CAD: variants seen among roughly 807,000 people sequenced by gnomAD.
CAD encodes multifunctional protein CAD.
In CAD, 81 loss-of-function variants were observed where a neutral mutation model predicts 237.2. That is an observed-to-expected ratio of 0.34 (90% CI 0.29 to 0.41). CAD has a LOEUF of 0.41. CAD is among the 10% of genes least tolerant of loss of function. CAD has a pLI of 1.00. For missense variants in CAD, 2,181 were observed against 2,951.7 expected, an observed-to-expected ratio of 0.74 and a Z score of 6.05; for synonymous variants, 1,196 against 1,162.8, an observed-to-expected ratio of 1.03 and a Z score of -0.58.
In CAD at chr2:27,241,316, TC is replaced by T; in HGVS notation, c.5809-5del. 1 of 1,614,146 alleles carries T rather than the reference TC, an allele frequency of 6.2e-7. No individual in the cohort carries two copies. The highest frequency in any genetic ancestry group is 8.5e-7 in the Non-Finnish European group (1 of 1,180,016). On this transcript the variant is annotated splice_polypyrimidine_tract_variant and splice_region_variant and intron_variant, in intron 37 of 43. Coordinates refer to ENST00000264705, the MANE Select transcript of CAD (RefSeq NM_004341.5). The surrounding 1 kb of genome is among the most constrained non-coding windows in gnomAD (Gnocchi z 4.6). The stretch of plus-strand genomic sequence containing the variant: ...ACCTTTCTAGCTAACTTGGGCTCTT[TC>T]TTAGATGTCTCACCTGTTCAATGTG...
chr2:27,240,191 C>A lies in CAD; in HGVS notation c.5497-74C>A. The A allele has an allele frequency of 2.3e-6, 3 of 1,285,228 alleles. No individual in the cohort carries two copies. The highest frequency in any genetic ancestry group is 3.3e-6 in the Non-Finnish European group (3 of 899,172). The allele number at this position is 1,285,228 out of a possible 1,614,324, so 79.6% of individuals were successfully genotyped here. On this transcript the variant is annotated intron_variant, in intron 34 of 43. Coordinates refer to ENST00000264705, the MANE Select transcript of CAD (RefSeq NM_004341.5). This position sits in a 1 kb window ranked among gnomAD's most constrained non-coding sequence, Gnocchi z 4.6. ...AGAAGGTCACGCCACTGCACTCCAG[C>A]CTGAGCGACAGAACGAGACTCCGTC...
In CAD at chr2:27,226,515, T is replaced by G; in HGVS notation, c.2032-10T>G. The G allele has an allele frequency of 6.2e-7, 1 of 1,613,762 alleles. No homozygotes were observed. Among genetic ancestry groups the G allele is most frequent in the Non-Finnish European group, 8.5e-7 (1 of 1,179,878 alleles). ...TTCTAGGCCAGTGACTTTATTCTCCTTCTTTGCAGTATTACATCATTGAAG... is the reference window on the plus strand; with the variant it reads ...TTCTAGGCCAGTGACTTTATTCTCCGTCTTTGCAGTATTACATCATTGAAG... On this transcript the variant is annotated splice_polypyrimidine_tract_variant and intron_variant, in intron 13 of 43. Coordinates refer to ENST00000264705, the MANE Select transcript of CAD (RefSeq NM_004341.5).
intron 12 of CAD, 64 bp downstream of exon 12, chr2:27,225,990 C>T (rs781569289): frequency 3.9e-5 from 61 of 1,545,402 alleles, no homozygotes; most frequent in Non-Finnish European, 5.2e-5. Flanking sequence ...AGAGCAGAGG[C>T]CCAGGCCAAG....
chr2:27,234,659 A>T lies in CAD; in HGVS notation c.3760A>T (p.Thr1254Ser). ...GEEVEPVGLM[T>S]GSGVVGVKVP... Reference sequence around the variant, plus strand: ...AGAAGTGGAACCTGTGGGGCTAATGACTGGTTCTGGAGTCGTGGGAGTAAA... The same window carrying T: ...AGAAGTGGAACCTGTGGGGCTAATGTCTGGTTCTGGAGTCGTGGGAGTAAA... Residue 1254 changes from threonine (T) to serine (S), a missense_variant, in exon 23 of 44, where the codon ACT becomes TCT. Coordinates refer to ENST00000264705, the MANE Select transcript of CAD (RefSeq NM_004341.5). 1 of 1,614,060 alleles carries T rather than the reference A, an allele frequency of 6.2e-7. No individual in the cohort carries two copies.
chr2:27,229,432 A>T (rs938396674), intron 15 of CAD, among the ~76,000 whole-genome samples: 28 of 148,386 alleles, frequency 1.9e-4, no homozygotes, highest in Non-Finnish European at 3.1e-4. Flanking sequence ...CACCTTGCTA[A>T]TTTTTTTTTT....
intron 8 of CAD, 35 bp from the exon 9 acceptor site, chr2:27,224,310 G>C (rs770436792): frequency 6.2e-7 from 1 of 1,612,762 alleles, no homozygotes; most frequent in African/African-American, 1.3e-5. Flanking sequence ...GTCCAGCTCA[G>C]CTCTAACATT....
chr2:27,224,364 G>T lies in CAD; in HGVS notation c.1128G>T (p.Glu376Asp), dbSNP rs545224716. The T allele has an allele frequency of 1.9e-6, 3 of 1,614,214 alleles. No individual in the cohort carries two copies. The highest frequency in any genetic ancestry group is 2.5e-6 in the Non-Finnish European group (3 of 1,180,044). Residue 376 changes from glutamate to aspartate, a missense_variant, in exon 9 of 44, where the codon GAG (glutamate) becomes GAT (aspartate). Glu to Asp is a conservative substitution (Grantham distance 45). Around this residue, in one of 12 missense-constraint regions of CAD, gnomAD observed 129 missense variants for 143.3 expected, o/e 0.90. Coordinates refer to ENST00000264705, the MANE Select transcript of CAD (RefSeq NM_004341.5). Reference protein sequence around the residue: ...GGQTVRERLTERLCPPGIPTP... With the variant: ...GGQTVRERLTDRLCPPGIPTP... ...CCACAGTTAGAGAGCGGCTGACTGA[G>T]CGCCTCTGTCCCCCTGGGATTCCCA...
At chr2:27,224,653 C>T (rs769614222) in intron 9 of CAD, 92 bp from the exon 10 acceptor site, 2 of 1,562,022 alleles carry the variant, frequency 1.3e-6, no homozygotes, top group Middle Eastern at 1.7e-4. Context: ...GCCAAGAGTA[C>T]AGGGAGGGAA....
At chr2:27,219,478 G>T (rs1430787962) in intron 2 of CAD, among the ~76,000 whole-genome samples, 2 of 152,080 alleles carry the variant, frequency 1.3e-5, no homozygotes, top group Admixed American at 6.5e-5. Flanking sequence ...AAGTAGCTGG[G>T]ACTACAGGCA....
chr2:27,241,187 G>A lies in CAD; in HGVS notation c.5768G>A (p.Gly1923Asp). 6.2e-7 allele frequency: 1 copy of A among 1,612,948 alleles called. No individual in the cohort carries two copies. Among genetic ancestry groups the A allele is most frequent in the Non-Finnish European group, 8.5e-7 (1 of 1,179,476 alleles). The change falls in exon 37 of 44, where the codon GGC (glycine) becomes GAC (aspartate). Residue 1923 changes from glycine (G) to aspartate (D), a missense_variant. By Grantham distance (94) the Gly-to-Asp change is moderately conservative. Coordinates refer to ENST00000264705, the MANE Select transcript of CAD (RefSeq NM_004341.5). This position sits in a 1 kb window ranked among gnomAD's most constrained non-coding sequence, Gnocchi z 4.6. ...QTSPLLHSLV[G>D]QHILSVQQFT... is the part of the protein sequence containing the mutation. ...TCACCCCTGCTGCACTCATTAGTGGGCCAACATATCCTGTCCGTCCAGCAG... is the reference window on the plus strand; with the variant it reads ...TCACCCCTGCTGCACTCATTAGTGGACCAACATATCCTGTCCGTCCAGCAG...
In CAD at chr2:27,232,821, G is replaced by C; in HGVS notation, c.2892+127G>C. The C allele has an allele frequency of 4.0e-6, 5 of 1,244,458 alleles. No homozygotes were observed. The highest frequency in any genetic ancestry group is 4.6e-6 in the Non-Finnish European group (4 of 873,696). 77.1% of individuals were successfully genotyped at this position (1,244,458 alleles called of 1,614,324 possible). On this transcript the variant is annotated intron_variant, in intron 18 of 43. Transcript: ENST00000264705. The surrounding 1 kb of genome is among the most constrained non-coding windows in gnomAD (Gnocchi z 4.1). ...CTTTGGTCATAGAGCTTTGGGGTGG[G>C]GGTCCTTTTAGGCCATCTCTCATGC...
At chr2:27,238,684 C>T in intron 31 of CAD, 52 bp downstream of exon 31, 2 of 1,512,642 alleles carry the variant, frequency 1.3e-6, no homozygotes, top group Non-Finnish European at 1.8e-6. Flanking sequence ...TGTGGGACAG[C>T]CCTAGCAAGA....
In CAD at chr2:27,232,750, T is replaced by C. The variant is rs186663335; in HGVS notation, c.2892+56T>C. The C allele has an allele frequency of 1.2e-5, 19 of 1,605,914 alleles. No individual in the cohort carries two copies. In the East Asian group the frequency reaches 3.6e-4, roughly 30 times the overall value. On this transcript the variant is annotated intron_variant, in intron 18 of 43. Coordinates refer to ENST00000264705, the MANE Select transcript of CAD (RefSeq NM_004341.5). The surrounding 1 kb of genome is among the most constrained non-coding windows in gnomAD (Gnocchi z 4.1). ...TTGCTATTCTGTTCATCTCTAGCAA[T>C]TGCTTGGCACTAATCCTGGCATTTC...
rs1676062577 is a variant in CAD at position 27,237,326 on chromosome 2, C to T, written c.4397-53C>T. 1.8e-5 allele frequency: 28 copies of T among 1,586,104 alleles called. No homozygotes were observed. In the South Asian group the frequency reaches 3.2e-4, roughly 18 times the overall value. On this transcript the variant is annotated intron_variant, in intron 27 of 43. Coordinates refer to ENST00000264705, the MANE Select transcript of CAD (RefSeq NM_004341.5). This position sits in a 1 kb window ranked among gnomAD's most constrained non-coding sequence, Gnocchi z 4.0. ...GGCGTGAGCCACCATGTCCAGCTCA[C>T]CCTTCCTATTTCTGAATCTTCCTGT...
chr2:27,225,554 C>CT (rs1558531189), intron 11 of CAD, 151 bp from the exon 12 acceptor site: 5 of 636,682 alleles, frequency 7.9e-6, no homozygotes, highest in African/African-American at 7.3e-5. Context: ...GATCCACCCC[C>CT]CCGACCCTCG....
intron 6 of CAD, among the ~76,000 whole-genome samples, 177 bp from the exon 7 acceptor site, chr2:27,223,386 G>A (rs1675273333): frequency 6.6e-6 from 1 of 151,142 alleles, no homozygotes; most frequent in Non-Finnish European, 1.5e-5. Context: ...AGCGGAGATC[G>A]TGCCATTGCC....
rs140918285 is a variant in CAD, at chr2:27,242,307, C to T, written c.6102C>T (p.Ala2034=). The T allele has an allele frequency of 4.1e-4, 666 of 1,605,948 alleles. 4 individuals are homozygous for T. In the African/African-American group the frequency reaches 7.1e-3, roughly 17 times the overall value. ...RHPQPGAVEL[A]AKHCRRPVIN... ...GATTTTCCCCTTTTTTCCAGCTGGCCGCCAAGCACTGCCGGAGGCCAGTGA... is the reference window on the plus strand; with the variant it reads ...GATTTTCCCCTTTTTTCCAGCTGGCTGCCAAGCACTGCCGGAGGCCAGTGA... Residue 2034 remains alanine, a synonymous_variant, in exon 40 of 44, where the codon GCC becomes GCT. Transcript: ENST00000264705. The surrounding 1 kb of genome is among the most constrained non-coding windows in gnomAD (Gnocchi z 6.4).
At position 27,217,479 on chromosome 2, in the gene CAD, T is replaced by A. The variant is rs1674918769; in HGVS notation, c.-73T>A. 4 of 1,315,356 alleles carry A rather than the reference T, an allele frequency of 3.0e-6. No homozygotes were observed. The highest frequency in any genetic ancestry group is 1.5e-5 in the African/African-American group (1 of 68,408). 81.5% of individuals were successfully genotyped at this position (1,315,356 alleles called of 1,614,324 possible). ...GTGGACCGACTCCGGCGCGCCGTCC[T>A]CACGTGGTTCCAGTGGAGTTTGCAG... On this transcript the variant is annotated 5_prime_UTR_variant, in exon 1 of 44. Transcript: ENST00000264705.
In CAD at chr2:27,225,941, G is replaced by A; in HGVS notation, c.1842+15G>A. 1 of 1,607,984 alleles carries A rather than the reference G, an allele frequency of 6.2e-7. No homozygotes were observed. Among genetic ancestry groups the A allele is most frequent in the Non-Finnish European group, 8.5e-7 (1 of 1,174,304 alleles). On this transcript the variant is annotated intron_variant, in intron 12 of 43. Transcript: ENST00000264705. The stretch of plus-strand genomic sequence containing the variant: ...ACTGTGTCACGGTGAGTGAATGGGG[G>A]AAGGGTGGGCGTCGTGTCAGGCAGG...
Sources: gnomAD v4.1 joint callset for allele counts (sites outside exome capture counted in the v4.1 genomes callset) on GRCh38, gnomAD v4.1.1 for gene constraint, gnomAD v4.1.1 regional missense constraint, Gnocchi (gnomAD v3.1) non-coding constraint, MANE v1.5 for transcripts, NCBI Gene and HGNC (gene_info 2026-07-23, HGNC 2026-07-21) for gene names.